The following ANKRD35 variants were observed in gnomAD, a reference collection of about 807,000 sequenced individuals.
ANKRD35 encodes ankyrin repeat domain-containing protein 35.
A neutral mutation model predicts 109.9 loss-of-function variants in ANKRD35; 102 were observed. The ratio of observed to expected loss-of-function variants is 0.93; its 90% confidence interval spans 0.79 to 1.09. The LOEUF (loss-of-function observed/expected upper bound fraction) is 1.09, where lower values mean the gene tolerates loss of function less well. Ranked by LOEUF, ANKRD35 falls within the 50% of genes least tolerant of loss-of-function variation. The probability of loss-of-function intolerance (pLI) is 0.00; values close to 1 mark genes in which losing one functional copy is unlikely to be tolerated. For missense variants in ANKRD35, 1,240 were observed against 1,230.1 expected, an observed-to-expected ratio of 1.01 and a Z score of -0.12; for synonymous variants, 515 against 512.4, an observed-to-expected ratio of 1.01 and a Z score of -0.07.
intron 1 of ANKRD35, among the ~76,000 whole-genome samples, chr1:145,884,524 G>A (rs932880421): frequency 5.3e-5 from 8 of 152,176 alleles, no homozygotes; most frequent in South Asian, 2.1e-4. Context: ...TAAATTAGCC[G>A]TAACCCCAAC....
At chr1:145,878,074 T>C (rs782639862) in intron 3 of ANKRD35, 42 bp from the exon 4 acceptor site, 1 of 1,548,778 alleles carries the variant, frequency 6.5e-7, no homozygotes, top group South Asian at 1.1e-5. Flanking sequence ...GGTGGCCCCA[T>C]GCATGCTGAT....
At chr1:145,876,783 G>T (rs782622369) in intron 5 of ANKRD35, 33 bp downstream of exon 5, 1 of 1,613,788 alleles carries the variant, frequency 6.2e-7, no homozygotes, top group East Asian at 2.2e-5. Flanking sequence ...TGTAGTCTCT[G>T]CAGCCCTGTT....
intron 1 of ANKRD35, among the ~76,000 whole-genome samples, chr1:145,884,801 T>C (rs1296386928): frequency 6.6e-6 from 1 of 152,050 alleles, no homozygotes; most frequent in African/African-American, 2.4e-5. Flanking sequence ...ATGAATAATC[T>C]GGGGAAAAGC....
In ANKRD35 at chr1:145,876,656, T is replaced by G; in HGVS notation, c.383-17A>C. 6.2e-7 allele frequency: 1 copy of G among 1,614,056 alleles called. No individual in the cohort carries two copies. ...CAGAGGAGGCTGGGGAGAAGATGTT[T>G]GGGTTAAGGGGAAGCATGAAGAAAG... On this transcript the variant is annotated splice_polypyrimidine_tract_variant and intron_variant, in intron 5 of 13. Coordinates refer to ENST00000355594, the MANE Select transcript of ANKRD35 (RefSeq NM_144698.5).
At chr1:145,885,637 G>T in intron 1 of ANKRD35, 83 bp downstream of exon 1, 1 of 1,432,360 alleles carries the variant, frequency 7.0e-7, no homozygotes, top group Non-Finnish European at 9.8e-7. Flanking sequence ...AAAAGGCGAT[G>T]ATGCATTGAG....
Position 145,874,908 on chromosome 1 carries a change from T to C in ANKRD35, c.659A>G (p.His220Arg). The C allele has an allele frequency of 1.2e-6, 2 of 1,613,868 alleles. No homozygotes were observed. Among genetic ancestry groups the C allele is most frequent in the South Asian group, 2.2e-5 (2 of 90,980 alleles). Residue 220 changes from histidine to arginine, a missense_variant, in exon 8 of 14, where the codon CAT (histidine) becomes CGT (arginine). Physicochemically the swap from His to Arg is conservative, Grantham distance 29. Coordinates refer to ENST00000355594, the MANE Select transcript of ANKRD35 (RefSeq NM_144698.5). ...ADAGAVDSTG[H>R]DALHYALHTQ... Reference sequence around the variant, plus strand: ...GTGCAGAGCATAGTGCAGAGCATCATGCCCTGTGCTGTCCACAGCCCCCGC... The same window carrying C: ...GTGCAGAGCATAGTGCAGAGCATCACGCCCTGTGCTGTCCACAGCCCCCGC...
chr1:145,872,655 C>A lies in ANKRD35; in HGVS notation c.2114G>T (p.Trp705Leu). Reference protein sequence around the residue: ...ASQSSGLRGLWDCLPADLVGE... With the variant: ...ASQSSGLRGLLDCLPADLVGE... ...CACTAGGTCTGCGGGCAGGCAGTCC[C>A]ACAGCCCTCGGAGACCGCTGCTCTG... Residue 705 changes from tryptophan (W) to leucine (L), a missense_variant, in exon 10 of 14, where the codon TGG becomes TTG. Physicochemically the swap from Trp to Leu is moderately conservative, Grantham distance 61 (BLOSUM62 -2). Coordinates refer to ENST00000355594, the MANE Select transcript of ANKRD35 (RefSeq NM_144698.5). 6.2e-7 allele frequency: 1 copy of A among 1,614,102 alleles called. No individual in the cohort carries two copies. Among genetic ancestry groups the A allele is most frequent in the Non-Finnish European group, 8.5e-7 (1 of 1,179,990 alleles).
intron 7 of ANKRD35, 69 bp downstream of exon 7, chr1:145,876,069 ACG>A (rs1654058938): frequency 7.5e-7 from 1 of 1,324,872 alleles, no homozygotes; most frequent in Non-Finnish European, 1.1e-6. Context: ...ACACACACAC[ACG>A]TTGCCCACTG....
chr1:145,876,334 C>T (rs1654073911), intron 6 of ANKRD35, 88 bp from the exon 7 acceptor site: 5 of 1,340,476 alleles, frequency 3.7e-6, no homozygotes, highest in South Asian at 1.3e-5. Flanking sequence ...TCACACCTGT[C>T]CAAAAAAAAT....
Position 145,873,306 on chromosome 1 carries a change from A to C in ANKRD35, c.1463T>G (p.Met488Arg). The C allele has an allele frequency of 6.2e-7, 1 of 1,614,150 alleles. No homozygotes were observed. Among genetic ancestry groups the C allele is most frequent in the Non-Finnish European group, 8.5e-7 (1 of 1,180,010 alleles). Residue 488 changes from methionine to arginine, a missense_variant, in exon 10 of 14, where the codon ATG becomes AGG. Transcript: ENST00000355594. ...TVAEPVGPAA[M>R]NQLLLQLREE... ...CCTTAGTTGAAGCAGAAGCTGGTTC[A>C]TGGCTGCTGGGCCCACTGGTTCAGC...
intron 4 of ANKRD35, 71 bp downstream of exon 4, chr1:145,877,897 T>C: frequency 6.8e-7 from 1 of 1,459,964 alleles, no homozygotes; most frequent in Admixed American, 1.7e-5. Flanking sequence ...CTTTTAAGTA[T>C]GAAATGAAGT....
intron 7 of ANKRD35, 126 bp downstream of exon 7, chr1:145,876,014 G>A: frequency 1.3e-6 from 1 of 792,448 alleles, no homozygotes; most frequent in Non-Finnish European, 2.0e-6. Flanking sequence ...AGGTTCCCAA[G>A]AACACAAAGA....
At chr1:145,869,483 G>A (rs1559171150) in intron 10 of ANKRD35, among the ~76,000 whole-genome samples, 1 of 144,404 alleles carries the variant, frequency 6.9e-6, no homozygotes, top group Non-Finnish European at 1.5e-5. Context: ...CGCCCAGCCT[G>A]TTTTGTGTTT....
At position 145,872,557 on chromosome 1, in the gene ANKRD35, C is replaced by A; in HGVS notation, c.2212G>T (p.Asp738Tyr). The A allele has an allele frequency of 6.2e-7, 1 of 1,610,250 alleles. No individual in the cohort carries two copies. Among genetic ancestry groups the A allele is most frequent in the Non-Finnish European group, 8.5e-7 (1 of 1,178,272 alleles). Residue 738 changes from aspartate to tyrosine, a missense_variant, in exon 10 of 14, where the codon GAT (aspartate) becomes TAT (tyrosine). Coordinates refer to ENST00000355594, the MANE Select transcript of ANKRD35 (RefSeq NM_144698.5). ...ELRACISTLVDRHREAQQVLA... is the reference protein window; with the variant it reads ...ELRACISTLVYRHREAQQVLA... ...ACCTGCTGGGCCTCCCGGTGCCGAT[C>A]CACCAGGGTGCTGATGCAGGCCCGC...
rs1553740095 is a variant in ANKRD35 at position 145,876,297 on chromosome 1, T to C, written c.454-51A>G. 1.9e-6 allele frequency: 3 copies of C among 1,544,030 alleles called. No homozygotes were observed. In the Admixed American group the frequency reaches 5.3e-5, roughly 27 times the overall value. On this transcript the variant is annotated intron_variant, in intron 6 of 13. Transcript: ENST00000355594. ...ATGAGCAGCCAGGGACTGCAGAGGC[T>C]TGACAATCCTACCGGCTCCCCTCCC...
chr1:145,880,949 A>C (rs1424674794), intron 1 of ANKRD35, among the ~76,000 whole-genome samples: 2 of 152,210 alleles, frequency 1.3e-5, no homozygotes, highest in Non-Finnish European at 2.9e-5. Flanking sequence ...AAGATTAGAT[A>C]ACCATTCAAG....
intron 7 of ANKRD35, 49 bp downstream of exon 7, chr1:145,876,091 T>C: frequency 6.4e-7 from 1 of 1,550,448 alleles, no homozygotes; most frequent in Non-Finnish European, 8.9e-7. Context: ...GGCTTCTTTC[T>C]AAATTGGTCA....
intron 1 of ANKRD35, 39 bp downstream of exon 1, chr1:145,885,679 TGG>T: frequency 6.2e-7 from 1 of 1,607,778 alleles, no homozygotes; most frequent in Non-Finnish European, 8.5e-7. Context: ...ACCACAGAGC[TGG>T]GATCCCAACC....
At chr1:145,885,377 G>A (rs1654439467) in intron 1 of ANKRD35, among the ~76,000 whole-genome samples, 2 of 152,028 alleles carry the variant, frequency 1.3e-5, no homozygotes, top group Admixed American at 6.6e-5. Flanking sequence ...GAAGATGCTT[G>A]GGGGAGGTTT....
Sources: gnomAD v4.1 joint callset for allele counts (sites outside exome capture counted in the v4.1 genomes callset) on GRCh38, gnomAD v4.1.1 for gene constraint, MANE v1.5 for transcripts, NCBI Gene and HGNC (gene_info 2026-07-23, HGNC 2026-07-21) for gene names.